The following THSD7A variants were observed in gnomAD, a reference collection of about 807,000 sequenced individuals.
The protein encoded by THSD7A is thrombospondin type 1 domain containing 7A.
In THSD7A, 96 loss-of-function variants were observed where a neutral mutation model predicts 231.3. That is an observed-to-expected ratio of 0.41 (90% CI 0.35 to 0.49). The LOEUF (loss-of-function observed/expected upper bound fraction) is 0.49, where lower values mean the gene tolerates loss of function less well. THSD7A is among the 20% of genes least tolerant of loss of function. THSD7A has a pLI of 0.05. For missense variants in THSD7A, 2,290 were observed against 2,070.2 expected, an observed-to-expected ratio of 1.11 and a Z score of -2.06; for synonymous variants, 940 against 743.3, an observed-to-expected ratio of 1.26 and a Z score of -4.30.
intron 2 of THSD7A, among the ~76,000 whole-genome samples, chr7:11,600,276 T>C (rs1170568882): frequency 6.6e-6 from 1 of 152,178 alleles, no homozygotes; most frequent in Non-Finnish European, 1.5e-5. Flanking sequence ...TGTATGCTTA[T>C]TCAAGTACAT....
intron 6 of THSD7A, among the ~76,000 whole-genome samples, chr7:11,510,157 G>C (rs1787743321): frequency 6.6e-6 from 1 of 152,072 alleles, no homozygotes; most frequent in African/African-American, 2.4e-5. Flanking sequence ...ATGCCGATCA[G>C]TCAACGACTG....
At chr7:11,745,013 G>A (rs1314534106) in intron 1 of THSD7A, among the ~76,000 whole-genome samples, 4 of 151,766 alleles carry the variant, frequency 2.6e-5, no homozygotes, top group African/African-American at 4.8e-5. Flanking sequence ...CTGAGGAATC[G>A]CCACACTGAC....
At chr7:11,502,079 G>A (rs930443628) in intron 6 of THSD7A, among the ~76,000 whole-genome samples, 1 of 151,852 alleles carries the variant, frequency 6.6e-6, no homozygotes, top group African/African-American at 2.4e-5. Context: ...ACTGAACCAG[G>A]AAAAAAATTG....
At chr7:11,619,418 T>G (rs1380999696) in intron 2 of THSD7A, among the ~76,000 whole-genome samples, 1 of 150,936 alleles carries the variant, frequency 6.6e-6, no homozygotes, top group African/African-American at 2.4e-5. Context: ...TTTTTTTTTT[T>G]TGCTTTAAGA....
Position 11,411,465 on chromosome 7 carries a change from G to C in THSD7A, c.3683-143C>G, listed in dbSNP as rs562969988. 1.6e-6 allele frequency: 1 copy of C among 616,582 alleles called. No homozygotes were observed. The allele number at this position is 616,582 out of a possible 1,614,324, so 38.2% of individuals were successfully genotyped here. A position where few individuals can be genotyped will look rare whatever the true frequency, so the allele number is the denominator to read the frequency against. On this transcript the variant is annotated intron_variant, in intron 18 of 27. Transcript: ENST00000423059. This position sits in a 1 kb window ranked among gnomAD's most constrained non-coding sequence, Gnocchi z 4.1. ...AATCATCCCCCATGCAGAGCATATG[G>C]GTCCCAGCTTTGAACGTATCAGGAG...
chr7:11,459,191 A>G (rs1237043713), intron 11 of THSD7A, among the ~76,000 whole-genome samples: 1 of 151,942 alleles, frequency 6.6e-6, no homozygotes, highest in Non-Finnish European at 1.5e-5. Context: ...CATTTGGTCC[A>G]AACCCCTCTT....
chr7:11,610,481 A>G (rs947751305), intron 2 of THSD7A, among the ~76,000 whole-genome samples: 1 of 152,126 alleles, frequency 6.6e-6, no homozygotes, highest in Non-Finnish European at 1.5e-5. Flanking sequence ...CTTACAGTTG[A>G]TGAGATAGAG....
Position 11,469,895 on chromosome 7 carries a change from G to C in THSD7A, c.2352C>G (p.Pro784=). Reference sequence around the variant, plus strand: ...AGACCATACCTTCTTTACACGAAGAGGGGCATGATGTCCAGTCACTATATG... The same window carrying C: ...AGACCATACCTTCTTTACACGAAGACGGGCATGATGTCCAGTCACTATATG... ...VTPYSDWTSC[P]SSCKEGDSSI... is the part of the protein sequence containing the mutation. Residue 784 remains proline (P), a synonymous_variant, in exon 9 of 28, where the codon CCC becomes CCG. Coordinates refer to ENST00000423059, the MANE Select transcript of THSD7A (RefSeq NM_015204.3). The C allele has an allele frequency of 6.3e-7, 1 of 1,596,314 alleles. No individual in the cohort carries two copies. The highest frequency in any genetic ancestry group is 8.5e-7 in the Non-Finnish European group (1 of 1,169,712).
intron 2 of THSD7A, among the ~76,000 whole-genome samples, chr7:11,608,722 C>T (rs1174968669): frequency 6.6e-6 from 1 of 152,140 alleles, no homozygotes; most frequent in Non-Finnish European, 1.5e-5. Context: ...CTGGTCTCCT[C>T]TTTTTTTCTA....
rs80114685 is a variant in THSD7A at position 11,711,241 on chromosome 7, G to C, written c.191-74280C>G. ...AGAGTCATTTCAAGTCATAGGTTTT[G>C]TCCTTTATTATATATTCCATGTGCT... On this transcript the variant is annotated intron_variant, in intron 1 of 27. Transcript: ENST00000423059. Among the ~76,000 whole-genome samples the C allele has an allele frequency of 9.1e-4, 138 of 150,918 alleles. 2 individuals carry two copies. The East Asian group carries it at 0.021, about 23-fold the overall frequency.
At chr7:11,808,049 C>A (rs1784441565) in intron 1 of THSD7A, among the ~76,000 whole-genome samples, 1 of 152,082 alleles carries the variant, frequency 6.6e-6, no homozygotes, top group Non-Finnish European at 1.5e-5. Context: ...ACTGCACCAC[C>A]CATCTATACA....
chr7:11,721,465 T>C (rs1781349553), intron 1 of THSD7A, among the ~76,000 whole-genome samples: 1 of 152,012 alleles, frequency 6.6e-6, no homozygotes, highest in Admixed American at 6.6e-5. Flanking sequence ...CCTTCTGCCA[T>C]GACTGTAAGT....
At chr7:11,709,334 A>G (rs770929087) in intron 1 of THSD7A, among the ~76,000 whole-genome samples, 4 of 150,742 alleles carry the variant, frequency 2.7e-5, no homozygotes, top group Non-Finnish European at 6.0e-5. Flanking sequence ...GAAATACCCT[A>G]CTATACTCAG....
Position 11,742,929 on chromosome 7 carries a change from A to C in THSD7A, c.190+88828T>G, listed in dbSNP as rs138379857. ...ATACAAACTGCTACTTTCTAATATA[A>C]TTATTCAATGATATTACCATCAATG... On this transcript the variant is annotated intron_variant, in intron 1 of 27. Transcript: ENST00000423059. Among the ~76,000 whole-genome samples, 1,456 of 151,972 alleles carry C rather than the reference A, an allele frequency of 9.6e-3. 18 individuals are homozygous for C. The highest frequency in any genetic ancestry group is 0.033 in the African/African-American group (1,358 of 41,492).
chr7:11,598,451 C>T (rs574654406), intron 2 of THSD7A, among the ~76,000 whole-genome samples: 118 of 152,262 alleles, frequency 7.7e-4, no homozygotes, highest in Non-Finnish European at 1.2e-3. Flanking sequence ...AGTGGGCCCA[C>T]GAACAAAGGG....
intron 1 of THSD7A, among the ~76,000 whole-genome samples, chr7:11,728,121 G>C (rs903871454): frequency 2.0e-5 from 3 of 151,962 alleles, no homozygotes; most frequent in African/African-American, 7.2e-5. Context: ...TGTTGCATCA[G>C]AATCTGCAAA....
Position 11,411,056 on chromosome 7 carries a change from T to A in THSD7A, c.3798+151A>T. 3.4e-6 allele frequency: 2 copies of A among 584,342 alleles called. No homozygotes were observed. Among genetic ancestry groups the A allele is most frequent in the Non-Finnish European group, 6.1e-6 (2 of 327,968 alleles). 36.2% of individuals were successfully genotyped at this position (584,342 alleles called of 1,614,324 possible). Reference sequence around the variant, plus strand: ...TAGGAATCAGTAGTGTTGGACATTGTGTCTTTTCAAGAACATACTTAGCCT... The same window carrying A: ...TAGGAATCAGTAGTGTTGGACATTGAGTCTTTTCAAGAACATACTTAGCCT... On this transcript the variant is annotated intron_variant, in intron 19 of 27. Coordinates refer to ENST00000423059, the MANE Select transcript of THSD7A (RefSeq NM_015204.3). The surrounding 1 kb of genome is among the most constrained non-coding windows in gnomAD (Gnocchi z 4.1).
At position 11,411,638 on chromosome 7, in the gene THSD7A, C is replaced by T. The variant is rs1256702280; in HGVS notation, c.3683-316G>A. Among the ~76,000 whole-genome samples, 2 of 152,096 alleles carry T rather than the reference C, an allele frequency of 1.3e-5. No individual in the cohort carries two copies. Among genetic ancestry groups the T allele is most frequent in the African/African-American group, 4.8e-5 (2 of 41,414 alleles). ...CAATGTCACTTAAAAACTTTCTTTC[C>T]CAATAAAAATATAATTTAAAATCTT... On this transcript the variant is annotated intron_variant, in intron 18 of 27. Transcript: ENST00000423059. The surrounding 1 kb of genome is among the most constrained non-coding windows in gnomAD (Gnocchi z 4.1).
chr7:11,417,744 G>C (rs1201658555), intron 16 of THSD7A, 141 bp from the exon 17 acceptor site: 2 of 777,002 alleles, frequency 2.6e-6, no homozygotes, highest in Non-Finnish European at 3.9e-6. Context: ...AGGAAGCTTT[G>C]TTATCTAATA....
Sources: allele counts gnomAD v4.1 joint callset (sites outside exome capture counted in the v4.1 genomes callset), GRCh38; gene constraint gnomAD v4.1.1; non-coding constraint Gnocchi (gnomAD v3.1); transcripts MANE v1.5; gene names NCBI Gene and HGNC (gene_info 2026-07-23, HGNC 2026-07-21).